The following XPNPEP1 variants were observed in gnomAD, a reference collection of about 807,000 sequenced individuals.
The protein encoded by XPNPEP1 is X-prolyl aminopeptidase 1.
A neutral mutation model predicts 92.4 loss-of-function variants in XPNPEP1; 39 were observed. The ratio of observed to expected loss-of-function variants is 0.42; its 90% confidence interval spans 0.33 to 0.55. The LOEUF is 0.55. Ranked by LOEUF, XPNPEP1 falls within the 20% of genes least tolerant of loss-of-function variation. The pLI, the probability that XPNPEP1 is intolerant of heterozygous loss-of-function variation, is 0.08. For missense variants in XPNPEP1, 654 were observed against 856.1 expected, an observed-to-expected ratio of 0.76 and a Z score of 2.95; for synonymous variants, 307 against 299.4, an observed-to-expected ratio of 1.03 and a Z score of -0.26.
Position 109,880,151 on chromosome 10 carries a change from T to C in XPNPEP1, c.1182+37A>G, listed in dbSNP as rs558820959. ...ATCACATATAGGTAGGTCTGAATAA[T>C]GTATATCCACATATTAAACAAAGAC... On this transcript the variant is annotated intron_variant, in intron 12 of 20. Transcript: ENST00000502935. 5 of 1,603,922 alleles carry C rather than the reference T, an allele frequency of 3.1e-6. No homozygotes were observed. The East Asian group carries it at 1.1e-4, about 36-fold the overall frequency.
chr10:109,891,561 G>A (rs901594186), intron 5 of XPNPEP1, 161 bp downstream of exon 5: 7 of 531,370 alleles, frequency 1.3e-5, no homozygotes, highest in South Asian at 3.2e-5. Context: ...ACATTGGTAC[G>A]TATGTATAGG....
At chr10:109,914,976 A>C (rs1343543897) in intron 2 of XPNPEP1, 35 bp downstream of exon 2, 1 of 1,420,420 alleles carries the variant, frequency 7.0e-7, no homozygotes, top group South Asian at 1.3e-5. Context: ...AATCCTTTAC[A>C]GATGTTCCAT....
Position 109,870,820 on chromosome 10 carries a change from G to C in XPNPEP1, c.1607C>G (p.Ser536Cys). ...AGGACCCTCATGGACATTCAAAAAAGACCCAACACCATGTCCAGTCCCGTG... is the reference window on the plus strand; with the variant it reads ...AGGACCCTCATGGACATTCAAAAAACACCCAACACCATGTCCAGTCCCGTG... ...YLHGTGHGVG[S>C]FLNVHEGPCG... The change falls in exon 18 of 21, where the codon TCT (serine) becomes TGT (cysteine). Residue 536 changes from serine (S) to cysteine (C), a missense_variant. Transcript: ENST00000502935. 2 of 1,614,082 alleles carry C rather than the reference G, an allele frequency of 1.2e-6. No homozygotes were observed. The highest frequency in any genetic ancestry group is 1.7e-6 in the Non-Finnish European group (2 of 1,180,012).
At chr10:109,875,427 G>C (rs1847732059) in intron 15 of XPNPEP1, 101 bp downstream of exon 15, 1 of 1,034,384 alleles carries the variant, frequency 9.7e-7, no homozygotes, top group Non-Finnish European at 1.5e-6. Context: ...CAGCACAGAG[G>C]GCGATGACCA....
intron 8 of XPNPEP1, among the ~76,000 whole-genome samples, chr10:109,885,332 T>A (rs1443049755): frequency 6.6e-6 from 1 of 152,244 alleles, no homozygotes; most frequent in Non-Finnish European, 1.5e-5. Flanking sequence ...AAATGATATA[T>A]GCATAGAATA....
intron 3 of XPNPEP1, among the ~76,000 whole-genome samples, chr10:109,898,924 G>A (rs1282047651): frequency 6.6e-6 from 1 of 152,154 alleles, no homozygotes; most frequent in African/African-American, 2.4e-5. Flanking sequence ...CCACATTAGC[G>A]TGACATCTTT....
chr10:109,922,332 A>G (rs2088417538), intron 1 of XPNPEP1, among the ~76,000 whole-genome samples: 1 of 152,128 alleles, frequency 6.6e-6, no homozygotes, highest in South Asian at 2.1e-4. Flanking sequence ...TTGGCCCCCT[A>G]AAGACCACCT....
chr10:109,916,303 G>A (rs772145436), intron 1 of XPNPEP1, among the ~76,000 whole-genome samples: 1 of 151,974 alleles, frequency 6.6e-6, no homozygotes, highest in Non-Finnish European at 1.5e-5. Flanking sequence ...AAGTGCAAAG[G>A]CCATGAGGCA....
At chr10:109,883,486 TAG>T (rs2133406918) in intron 9 of XPNPEP1, among the ~76,000 whole-genome samples, 1 of 152,214 alleles carries the variant, frequency 6.6e-6, no homozygotes, top group South Asian at 2.1e-4. Context: ...CCAAATACTT[TAG>T]AAAGAGGACA....
At position 109,901,245 on chromosome 10, in the gene XPNPEP1, C is replaced by T. The variant is rs1216943324; in HGVS notation, c.246+6446G>A. Among the ~76,000 whole-genome samples the T allele has an allele frequency of 9.7e-5, 12 of 123,938 alleles. No homozygotes were observed. The Admixed American group carries it at 1.3e-3, about 14-fold the overall frequency. 81.3% of individuals were successfully genotyped at this position (123,938 alleles called of 152,430 possible). A position where few individuals can be genotyped will look rare whatever the true frequency, so the allele number is the denominator to read the frequency against. ...GGCAACTGAACAATGGAACATCACACACTGGGGCCTGTCATGGGGTGGGGG... is the reference window on the plus strand; with the variant it reads ...GGCAACTGAACAATGGAACATCACATACTGGGGCCTGTCATGGGGTGGGGG... On this transcript the variant is annotated intron_variant, in intron 3 of 20. Coordinates refer to ENST00000502935, the MANE Select transcript of XPNPEP1 (RefSeq NM_020383.4).
At chr10:109,917,754 A>G (rs1431826017) in intron 1 of XPNPEP1, among the ~76,000 whole-genome samples, 3 of 152,240 alleles carry the variant, frequency 2.0e-5, no homozygotes, top group Non-Finnish European at 4.4e-5. Flanking sequence ...TGGTGCTAGC[A>G]TAAGAATGGA....
chr10:109,901,248 T>A (rs1309351594), intron 3 of XPNPEP1, among the ~76,000 whole-genome samples: 1 of 111,710 alleles, frequency 9.0e-6, no homozygotes, highest in Non-Finnish European at 1.7e-5. Context: ...CATCACACAC[T>A]GGGGCCTGTC....
At chr10:109,898,323 C>T (rs1849092888) in intron 3 of XPNPEP1, among the ~76,000 whole-genome samples, 1 of 152,234 alleles carries the variant, frequency 6.6e-6, no homozygotes, top group South Asian at 2.1e-4. Flanking sequence ...CTATGAACTG[C>T]ACCGAGCTTG....
At chr10:109,865,825 AC>A (rs2133334568) in intron 20 of XPNPEP1, among the ~76,000 whole-genome samples, 1 of 152,308 alleles carries the variant, frequency 6.6e-6, no homozygotes, top group African/African-American at 2.4e-5. Flanking sequence ...GTGGTTAAAG[AC>A]TGTGGTGCAG....
intron 15 of XPNPEP1, among the ~76,000 whole-genome samples, chr10:109,874,668 G>A (rs1268865712): frequency 1.3e-5 from 2 of 152,204 alleles, no homozygotes; most frequent in African/African-American, 4.8e-5. Flanking sequence ...GGTCTTGCTC[G>A]GCTGGGCACA....
At chr10:109,881,822 G>A (rs1266184166) in intron 10 of XPNPEP1, among the ~76,000 whole-genome samples, 3 of 152,210 alleles carry the variant, frequency 2.0e-5, no homozygotes, top group Non-Finnish European at 4.4e-5. Flanking sequence ...CAGCTGCTTA[G>A]CACTGCCCAG....
intron 10 of XPNPEP1, 67 bp from the exon 11 acceptor site, chr10:109,880,998 C>G: frequency 6.8e-7 from 1 of 1,462,944 alleles, no homozygotes; most frequent in South Asian, 1.2e-5. Context: ...AAGGCAACAA[C>G]CTTTTTGCTC....
intron 1 of XPNPEP1, among the ~76,000 whole-genome samples, chr10:109,918,405 A>C (rs1325221814): frequency 6.6e-6 from 1 of 152,180 alleles, no homozygotes; most frequent in African/African-American, 2.4e-5. Flanking sequence ...TTGGTGACAC[A>C]GAGAGACCCT....
At chr10:109,881,493 T>C (rs7906980) in intron 10 of XPNPEP1, among the ~76,000 whole-genome samples, 3 of 152,210 alleles carry the variant, frequency 2.0e-5, no homozygotes, top group Non-Finnish European at 4.4e-5. Context: ...ACCTGGCACT[T>C]GCACAAAGCT....
Sources: gnomAD v4.1 joint callset for allele counts (sites outside exome capture counted in the v4.1 genomes callset) on GRCh38, gnomAD v4.1.1 for gene constraint, MANE v1.5 for transcripts, NCBI Gene and HGNC (gene_info 2026-07-23, HGNC 2026-07-21) for gene names.